The following STARD13 variants were observed in gnomAD, a reference collection of about 807,000 sequenced individuals.
STARD13 encodes stAR-related lipid transfer protein 13.
A neutral mutation model predicts 106.4 loss-of-function variants in STARD13; 62 were observed. The observed-to-expected ratio is 0.58, with a 90% confidence interval of 0.48 to 0.72. The LOEUF (loss-of-function observed/expected upper bound fraction) is 0.72, where lower values mean the gene tolerates loss of function less well. Ranked by LOEUF, STARD13 falls within the 30% of genes least tolerant of loss-of-function variation. The probability of loss-of-function intolerance (pLI) is 0.00; values close to 1 mark genes in which losing one functional copy is unlikely to be tolerated. For missense variants in STARD13, 1,387 were observed against 1,424.0 expected (o/e 0.97, Z 0.42); for synonymous variants, 565 against 553.0 (o/e 1.02, Z -0.31).
rs944961449 is a variant in STARD13 at position 33,127,544 on chromosome 13, C to G, written c.1751G>C (p.Arg584Pro). 2 of 1,537,770 alleles carry G rather than the reference C, an allele frequency of 1.3e-6. No homozygotes were observed. The highest frequency in any genetic ancestry group is 1.7e-6 in the Non-Finnish European group (2 of 1,150,014). ...VGASLTRPNR[R>P]LRWNSFQLSH... ...CAGCTGGAAACTGTTCCATCGGAGT[C>G]GCCTTTACCAGAGAGACCATCAGAG... The change falls in exon 6 of 14, where the codon CGA becomes CCA. Residue 584 changes from arginine to proline, a missense_variant and splice_region_variant. Transcript: ENST00000336934.
At chr13:33,209,714 C>T (rs747806981) in intron 1 of STARD13, among the ~76,000 whole-genome samples, 5 of 152,058 alleles carry the variant, frequency 3.3e-5, no homozygotes, top group Non-Finnish European at 5.9e-5. Context: ...GGCTCACGTG[C>T]ACTCCCAACA....
the STARD13 span, among the ~76,000 whole-genome samples, chr13:33,443,104 C>T: frequency 3.3e-5 from 5 of 151,954 alleles, no homozygotes; most frequent in Admixed American, 6.6e-5. Context: ...ATGGGCTGGG[C>T]GCAGTGGCTC....
At chr13:33,605,513 T>C in the STARD13 span, among the ~76,000 whole-genome samples, 2 of 151,854 alleles carry the variant, frequency 1.3e-5, no homozygotes, top group Non-Finnish European at 1.5e-5. Flanking sequence ...GATGCTGCAG[T>C]AGGGTAACAA....
At chr13:33,489,069 C>T in the STARD13 span, among the ~76,000 whole-genome samples, 1 of 152,246 alleles carries the variant, frequency 6.6e-6, no homozygotes, top group African/African-American at 2.4e-5. Flanking sequence ...TTTCTAATTT[C>T]ACACCCTGCC....
chr13:33,652,198 C>T, the STARD13 span, among the ~76,000 whole-genome samples: 2 of 152,204 alleles, frequency 1.3e-5, no homozygotes, highest in African/African-American at 4.8e-5. Context: ...CAAAATGCCC[C>T]AGCATTTGGG....
chr13:33,343,130 C>T (rs1345518110), intron 1 of STARD13, among the ~76,000 whole-genome samples: 1 of 152,192 alleles, frequency 6.6e-6, no homozygotes, highest in Middle Eastern at 3.2e-3. Flanking sequence ...ATGGAGCCAA[C>T]AGAGAACCTT....
At chr13:33,282,754 CA>C (rs1251798892) in intron 1 of STARD13, among the ~76,000 whole-genome samples, 8 of 152,126 alleles carry the variant, frequency 5.3e-5, no homozygotes, top group Non-Finnish European at 8.8e-5. Flanking sequence ...TGACAGGGCA[CA>C]ATGGCTCACA....
the STARD13 span, among the ~76,000 whole-genome samples, chr13:33,609,105 A>AAAAAAAAAAAAAAAAAAAAAAAAG: frequency 1.3e-4 from 17 of 133,172 alleles, 1 homozygote; most frequent in Middle Eastern, 3.9e-3. Context: ...AAAAAAAAAA[A>AAAAAAAAAAAAAAAAAAAAAAAAG]AAATATTGAT....
At chr13:33,280,632 T>A (rs1891727823) in intron 1 of STARD13, 1 of 152,192 alleles carries the variant, frequency 6.6e-6, no homozygotes, top group South Asian at 2.1e-4. Flanking sequence ...ATTTAAATAG[T>A]TCAACAGACT....
chr13:33,645,883 C>T, the STARD13 span, among the ~76,000 whole-genome samples: 7 of 152,190 alleles, frequency 4.6e-5, no homozygotes, highest in African/African-American at 1.7e-4. Context: ...GCAGCAATAT[C>T]ACCAAGGGGA....
At chr13:33,398,625 GGA>G in the STARD13 span, among the ~76,000 whole-genome samples, 1 of 151,696 alleles carries the variant, frequency 6.6e-6, no homozygotes, top group Admixed American at 6.6e-5. Flanking sequence ...AGGAATATGG[GGA>G]AAAAAAAGAG....
chr13:33,343,121 TG>T (rs1387346932), intron 1 of STARD13, among the ~76,000 whole-genome samples: 1 of 152,210 alleles, frequency 6.6e-6, no homozygotes, highest in Non-Finnish European at 1.5e-5. Flanking sequence ...CCAAAGCTAA[TG>T]GAGCCAACAG....
At chr13:33,221,166 A>G (rs1888335805) in intron 1 of STARD13, among the ~76,000 whole-genome samples, 1 of 152,222 alleles carries the variant, frequency 6.6e-6, no homozygotes. Flanking sequence ...CATTAAATAT[A>G]TATTTATGCA....
chr13:33,263,025 C>A (rs1890726636), intron 1 of STARD13, among the ~76,000 whole-genome samples: 1 of 152,174 alleles, frequency 6.6e-6, no homozygotes, highest in Non-Finnish European at 1.5e-5. Context: ...TACATTCTGG[C>A]TCATCACTTA....
At chr13:33,623,966 C>G in the STARD13 span, among the ~76,000 whole-genome samples, 1 of 152,168 alleles carries the variant, frequency 6.6e-6, no homozygotes, top group African/African-American at 2.4e-5. Context: ...ACAGTACTCC[C>G]AGTATCAGAG....
intron 1 of STARD13, among the ~76,000 whole-genome samples, chr13:33,222,742 C>T (rs1410745208): frequency 6.6e-6 from 1 of 152,204 alleles, no homozygotes; most frequent in Non-Finnish European, 1.5e-5. Flanking sequence ...ATGTTCTATG[C>T]ACATAATGTG....
rs548742923 is a variant in STARD13, at chr13:33,130,161, C to T, written c.516G>A (p.Pro172=). The change falls in exon 5 of 14, where the codon CCG becomes CCA. Residue 172 remains proline (P), a synonymous_variant. Coordinates refer to ENST00000336934, the MANE Select transcript of STARD13 (RefSeq NM_178006.4). This position sits in a 1 kb window ranked among gnomAD's most constrained non-coding sequence, Gnocchi z 4.1. ...TCGTGTTCCTCATCCCCGTGCCTCC[C>T]GGTGACCCATTTCTGTCTCCTCGAG... ...LLPRGDRNGS[P]GGTGMRNTTS... 39 of 1,614,080 alleles carry T rather than the reference C, an allele frequency of 2.4e-5. No individual in the cohort carries two copies. The highest frequency in any genetic ancestry group is 2.3e-4 in the Admixed American group (14 of 60,028).
At chr13:33,240,886 C>T (rs1253316271) in intron 1 of STARD13, among the ~76,000 whole-genome samples, 2 of 152,140 alleles carry the variant, frequency 1.3e-5, no homozygotes, top group Non-Finnish European at 2.9e-5. Flanking sequence ...TCATGTATAG[C>T]AATGCAACTG....
At chr13:33,349,563 G>A (rs1370844624) in intron 1 of STARD13, among the ~76,000 whole-genome samples, 3 of 152,194 alleles carry the variant, frequency 2.0e-5, no homozygotes, top group Non-Finnish European at 4.4e-5. Context: ...TACTAAGGAG[G>A]GGGCGGCCTT....
Sources: allele counts gnomAD v4.1 joint callset (sites outside exome capture counted in the v4.1 genomes callset), GRCh38; gene constraint gnomAD v4.1.1; non-coding constraint Gnocchi (gnomAD v3.1); transcripts MANE v1.5; gene names NCBI Gene and HGNC (gene_info 2026-07-23, HGNC 2026-07-21).